The following FAM135B variants were observed in gnomAD, a reference collection of about 807,000 sequenced individuals.
FAM135B encodes the protein family with sequence similarity 135 member B, also known as protein FAM135B.
Under a neutral mutation model 127.7 loss-of-function variants are expected in FAM135B, and 43 were observed. The ratio of observed to expected loss-of-function variants is 0.34; its 90% CI spans 0.26 to 0.43. The LOEUF (loss-of-function observed/expected upper bound fraction) is 0.43. FAM135B is among the 20% of genes least tolerant of loss of function. FAM135B has a pLI of 1.00. For missense variants in FAM135B, 1,558 were observed against 1,725.6 expected (o/e 0.90, Z 1.72); for synonymous variants, 670 against 665.1 (o/e 1.01, Z -0.11).
intron 1 of FAM135B, among the ~76,000 whole-genome samples, chr8:138,418,104 C>T (rs1163998782): frequency 6.6e-6 from 1 of 151,998 alleles, no homozygotes; most frequent in African/African-American, 2.4e-5. Flanking sequence ...TAAGAAAGAA[C>T]AAAAGTAATC....
At chr8:138,210,757 C>T (rs754735415) in intron 7 of FAM135B, among the ~76,000 whole-genome samples, 40 of 152,096 alleles carry the variant, frequency 2.6e-4, no homozygotes, top group Non-Finnish European at 5.0e-4. Context: ...CAGAGTCAAA[C>T]GATATCAATA....
In FAM135B at chr8:138,241,638, G is replaced by C. The variant is rs1016376934; in HGVS notation, c.669+1304C>G. Among the ~76,000 whole-genome samples, 2 of 152,138 alleles carry C rather than the reference G, an allele frequency of 1.3e-5. No homozygotes were observed. The highest frequency in any genetic ancestry group is 2.4e-5 in the African/African-American group (1 of 41,424). ...GTGCACAGAGCCTGACTGTATAGGA[G>C]GATAGAACACCTCTTTTGCGGGGCT... On this transcript the variant is annotated intron_variant, in intron 7 of 19. Coordinates refer to ENST00000395297, the MANE Select transcript of FAM135B (RefSeq NM_015912.4). This position sits in a 1 kb window ranked among gnomAD's most constrained non-coding sequence, Gnocchi z 4.8.
At chr8:138,191,839 T>A (rs973618968) in intron 9 of FAM135B, among the ~76,000 whole-genome samples, 5 of 152,178 alleles carry the variant, frequency 3.3e-5, no homozygotes, top group African/African-American at 1.2e-4. Context: ...AAAGCCCCCA[T>A]CATTTGATAA....
Position 138,130,587 on chromosome 8 carries a change from T to G in FAM135B, c.*2006A>C, listed in dbSNP as rs1343513994. The G allele has an allele frequency of 6.6e-6, 1 of 152,118 alleles. No individual in the cohort carries two copies. Among genetic ancestry groups the G allele is most frequent in the Non-Finnish European group, 1.5e-5 (1 of 68,048 alleles). The allele number at this position is 152,118 out of a possible 1,614,324, so 9.4% of individuals were successfully genotyped here. A position where few individuals can be genotyped will look rare whatever the true frequency, so the allele number is the denominator to read the frequency against. On this transcript the variant is annotated 3_prime_UTR_variant, in exon 20 of 20. Coordinates refer to ENST00000395297, the MANE Select transcript of FAM135B (RefSeq NM_015912.4). ...ACCAGGGAATGACGAACATTGCTGATGAAAATTGGAAACACAACATGAAAT... is the reference window on the plus strand; with the variant it reads ...ACCAGGGAATGACGAACATTGCTGAGGAAAATTGGAAACACAACATGAAAT...
intron 4 of FAM135B, among the ~76,000 whole-genome samples, chr8:138,259,104 G>C (rs958046593): frequency 6.6e-6 from 1 of 152,150 alleles, no homozygotes; most frequent in Non-Finnish European, 1.5e-5. Context: ...CTGTGGTAAA[G>C]GCATTTTCCC....
chr8:138,237,904 A>C (rs527501315), intron 7 of FAM135B, among the ~76,000 whole-genome samples: 47 of 152,106 alleles, frequency 3.1e-4, no homozygotes, highest in Non-Finnish European at 6.2e-4. Flanking sequence ...TATACAACTT[A>C]TTGGTTCTGT....
chr8:138,477,935 A>T (rs1226530460), intron 1 of FAM135B, among the ~76,000 whole-genome samples: 1 of 152,174 alleles, frequency 6.6e-6, no homozygotes. Context: ...AGACAGACAT[A>T]CAGTAAAGAT....
At chr8:138,350,053 T>C (rs1434274347) in intron 2 of FAM135B, among the ~76,000 whole-genome samples, 1 of 152,176 alleles carries the variant, frequency 6.6e-6, no homozygotes, top group African/African-American at 2.4e-5. Flanking sequence ...ACCTTGGCCA[T>C]GACCACCATC....
chr8:138,256,567 T>G (rs973640695), intron 5 of FAM135B, 122 bp downstream of exon 5: 12 of 783,084 alleles, frequency 1.5e-5, no homozygotes, highest in Non-Finnish European at 2.4e-5. Context: ...CATTGCAGCT[T>G]ATCAGGAGAT....
intron 1 of FAM135B, among the ~76,000 whole-genome samples, chr8:138,407,724 G>T (rs1246636200): frequency 1.3e-5 from 2 of 152,134 alleles, no homozygotes; most frequent in East Asian, 3.8e-4. Context: ...GCTGAAACTG[G>T]ATCCCTTCCT....
chr8:138,487,870 G>A (rs913458934), intron 1 of FAM135B, among the ~76,000 whole-genome samples: 1 of 152,150 alleles, frequency 6.6e-6, no homozygotes, highest in Non-Finnish European at 1.5e-5. Context: ...CAGGCGTGGT[G>A]GTGGGCACCT....
At chr8:138,181,114 G>A (rs1814988646) in intron 9 of FAM135B, among the ~76,000 whole-genome samples, 1 of 151,834 alleles carries the variant, frequency 6.6e-6, no homozygotes, top group South Asian at 2.1e-4. Context: ...GGTGGCAGGT[G>A]CCTATAGTCC....
intron 2 of FAM135B, among the ~76,000 whole-genome samples, chr8:138,354,208 T>C (rs1266032551): frequency 6.6e-6 from 1 of 152,094 alleles, no homozygotes; most frequent in African/African-American, 2.4e-5. Context: ...TTTCATAGTC[T>C]TCCTTTATCT....
intron 6 of FAM135B, among the ~76,000 whole-genome samples, chr8:138,249,943 G>C (rs750742833): frequency 6.6e-6 from 1 of 152,204 alleles, no homozygotes; most frequent in Non-Finnish European, 1.5e-5. Flanking sequence ...GGTGAGCATG[G>C]TACAATATGC....
chr8:138,446,899 C>T (rs1185003242), intron 1 of FAM135B, among the ~76,000 whole-genome samples: 5 of 152,192 alleles, frequency 3.3e-5, no homozygotes, highest in Admixed American at 2.0e-4. Context: ...TTTTTGCAAT[C>T]TACTCATCTG....
At chr8:138,174,211 T>C (rs1814207627) in intron 11 of FAM135B, among the ~76,000 whole-genome samples, 1 of 152,192 alleles carries the variant, frequency 6.6e-6, no homozygotes, top group Non-Finnish European at 1.5e-5. Flanking sequence ...TTGTGACCCA[T>C]TGTTTGAGAA....
chr8:138,227,259 A>G (rs1819528815), intron 7 of FAM135B, among the ~76,000 whole-genome samples: 1 of 152,200 alleles, frequency 6.6e-6, no homozygotes. Flanking sequence ...ATCCTCTTTA[A>G]AAGTGTTTTC....
intron 5 of FAM135B, among the ~76,000 whole-genome samples, chr8:138,255,829 G>T (rs1822042073): frequency 6.6e-6 from 1 of 152,006 alleles, no homozygotes; most frequent in Non-Finnish European, 1.5e-5. Context: ...TATGACAATC[G>T]CACTTACAAC....
At chr8:138,413,064 T>C (rs1342646651) in intron 1 of FAM135B, among the ~76,000 whole-genome samples, 1 of 152,234 alleles carries the variant, frequency 6.6e-6, no homozygotes, top group Non-Finnish European at 1.5e-5. Flanking sequence ...GTATTCCTTT[T>C]AATTTGAAAG....
Sources: allele counts gnomAD v4.1 joint callset (sites outside exome capture counted in the v4.1 genomes callset), GRCh38; gene constraint gnomAD v4.1.1; non-coding constraint Gnocchi (gnomAD v3.1); transcripts MANE v1.5; gene names NCBI Gene and HGNC (gene_info 2026-07-23, HGNC 2026-07-21).